DACH1: variants seen among roughly 807,000 people sequenced by gnomAD.
DACH1 encodes the protein dachshund homolog 1.
Under a neutral mutation model 54.2 loss-of-function variants are expected in DACH1, and 12 were observed. The ratio of observed to expected loss-of-function variants is 0.22; its 90% confidence interval spans 0.14 to 0.36. DACH1 has a LOEUF of 0.36. DACH1 is among the 10% of genes least tolerant of loss of function. DACH1 has a pLI of 1.00. For synonymous variants in DACH1, 386 were observed against 366.2 expected (o/e 1.05, Z -0.62); for missense variants, 805 against 929.8 (o/e 0.87, Z 1.75).
At chr13:71,758,983 T>C (rs1885287374) in intron 1 of DACH1, among the ~76,000 whole-genome samples, 1 of 152,068 alleles carries the variant, frequency 6.6e-6, no homozygotes, top group South Asian at 2.1e-4. Flanking sequence ...GCTCTGCCCT[T>C]GTCATCAAGT....
At chr13:71,822,948 T>C (rs1888247364) in intron 1 of DACH1, among the ~76,000 whole-genome samples, 1 of 152,142 alleles carries the variant, frequency 6.6e-6, no homozygotes, top group Non-Finnish European at 1.5e-5. Flanking sequence ...TTACATAGAT[T>C]TGAACTTAGG....
intron 3 of DACH1, among the ~76,000 whole-genome samples, chr13:71,603,569 A>G (rs1210678988): frequency 6.6e-6 from 1 of 151,986 alleles, no homozygotes; most frequent in Admixed American, 6.6e-5. Context: ...TAGCATAGCT[A>G]AAAAAATTCC....
chr13:71,474,098 C>G (rs1342115305), intron 10 of DACH1, among the ~76,000 whole-genome samples: 1 of 151,974 alleles, frequency 6.6e-6, no homozygotes, highest in Non-Finnish European at 1.5e-5. Flanking sequence ...ACATATGATT[C>G]AAACCTTAGG....
chr13:71,704,256 C>A (rs1882313669), intron 1 of DACH1: 2 of 254,440 alleles, frequency 7.9e-6, no homozygotes, highest in South Asian at 1.1e-4. Context: ...TAGAGTTGAT[C>A]CTTTGGCCAC....
chr13:71,492,511 G>A (rs1008942903), intron 6 of DACH1, among the ~76,000 whole-genome samples: 1 of 152,054 alleles, frequency 6.6e-6, no homozygotes, highest in Non-Finnish European at 1.5e-5. Flanking sequence ...ATAAAAAATG[G>A]CCCTTGGAAG....
chr13:71,817,535 C>A (rs1356483274), intron 1 of DACH1, among the ~76,000 whole-genome samples: 1 of 152,154 alleles, frequency 6.6e-6, no homozygotes, highest in Admixed American at 6.5e-5. Flanking sequence ...GTCGCAACAG[C>A]TAGTCACATG....
chr13:71,716,192 T>G (rs913677252), intron 1 of DACH1, among the ~76,000 whole-genome samples: 2 of 152,058 alleles, frequency 1.3e-5, no homozygotes, highest in Non-Finnish European at 2.9e-5. Context: ...CTATTGATTC[T>G]GCCTATGATA....
intron 1 of DACH1, among the ~76,000 whole-genome samples, chr13:71,724,671 T>G (rs993061275): frequency 1.6e-4 from 24 of 152,008 alleles, no homozygotes; most frequent in Non-Finnish European, 3.1e-4. Flanking sequence ...ACATAGAAAA[T>G]GTATGTTAGT....
chr13:71,863,899 A>C (rs1225670611), intron 1 of DACH1, among the ~76,000 whole-genome samples: 2 of 151,186 alleles, frequency 1.3e-5, no homozygotes, highest in Non-Finnish European at 1.5e-5. Context: ...GAGAAAAAAA[A>C]AGTAGCAATT....
At chr13:71,832,437 G>A (rs978638266) in intron 1 of DACH1, among the ~76,000 whole-genome samples, 7 of 151,900 alleles carry the variant, frequency 4.6e-5, no homozygotes, top group Middle Eastern at 3.4e-3. Flanking sequence ...TAAGTGTTTC[G>A]ATTTTTGTTT....
intron 6 of DACH1, among the ~76,000 whole-genome samples, chr13:71,491,559 C>T (rs1170931875): frequency 6.6e-6 from 1 of 152,080 alleles, no homozygotes; most frequent in Non-Finnish European, 1.5e-5. Flanking sequence ...CGTAAGGACG[C>T]TTTAATTCAA....
chr13:71,640,379 G>A (rs1012335907), intron 2 of DACH1, among the ~76,000 whole-genome samples: 2 of 151,922 alleles, frequency 1.3e-5, no homozygotes, highest in Non-Finnish European at 2.9e-5. Flanking sequence ...TGAACTTTAT[G>A]CACAAAACTT....
intron 1 of DACH1, among the ~76,000 whole-genome samples, chr13:71,834,209 G>A (rs1471906872): frequency 6.6e-6 from 1 of 151,998 alleles, no homozygotes; most frequent in East Asian, 1.9e-4. Flanking sequence ...TCTTTATCTT[G>A]TGCTGAAGTA....
In DACH1 at chr13:71,867,069, G is replaced by T. The variant is rs1403083318; in HGVS notation, c.-300C>A. 9.5e-6 allele frequency: 2 copies of T among 211,404 alleles called. No homozygotes were observed. The highest frequency in any genetic ancestry group is 1.8e-5 in the Non-Finnish European group (2 of 108,480). 13.1% of individuals were successfully genotyped at this position (211,404 alleles called of 1,614,324 possible). On this transcript the variant is annotated 5_prime_UTR_variant, in exon 1 of 11. Transcript: ENST00000613252. ...ATCGAGGGCTGGTTTGGGGGTGGGGGTGGGGCGGGGAGGGTCGGCTGTTGT... is the reference window on the plus strand; with the variant it reads ...ATCGAGGGCTGGTTTGGGGGTGGGGTTGGGGCGGGGAGGGTCGGCTGTTGT...
At chr13:71,763,723 C>A (rs1885497387) in intron 1 of DACH1, among the ~76,000 whole-genome samples, 1 of 152,136 alleles carries the variant, frequency 6.6e-6, no homozygotes, top group Admixed American at 6.6e-5. Context: ...CAGAAGATTT[C>A]ATTTGCAATT....
chr13:71,700,565 CA>C lies in DACH1; in HGVS notation c.849-18656del, dbSNP rs1211164206. ...ACAGCAAGACTGCAAGACTCCATCT[CA>C]AAAAAAAAAAAAAAAAAAAGAGAGA... On this transcript the variant is annotated intron_variant, in intron 1 of 10. Coordinates refer to ENST00000613252, the MANE Select transcript of DACH1 (RefSeq NM_080759.6). Among the ~76,000 whole-genome samples, 18 of 58,772 alleles carry C rather than the reference CA, an allele frequency of 3.1e-4. No homozygotes were observed. The East Asian group carries it at 4.2e-3, about 14-fold the overall frequency. The allele number at this position is 58,772 out of a possible 152,430, so 38.6% of individuals were successfully genotyped here.
At chr13:71,471,128 A>G (rs1370956809) in intron 10 of DACH1, among the ~76,000 whole-genome samples, 1 of 152,284 alleles carries the variant, frequency 6.6e-6, no homozygotes, top group Non-Finnish European at 1.5e-5. Flanking sequence ...AACAACAACA[A>G]AAACTTCCAG....
intron 4 of DACH1, among the ~76,000 whole-genome samples, chr13:71,564,366 C>A (rs913485221): frequency 6.6e-6 from 1 of 151,856 alleles, no homozygotes; most frequent in East Asian, 1.9e-4. Context: ...CCTTTATAGT[C>A]CTGAATCAAC....
intron 1 of DACH1, among the ~76,000 whole-genome samples, chr13:71,803,237 A>G (rs1197062556): frequency 1.3e-5 from 2 of 152,138 alleles, no homozygotes; most frequent in African/African-American, 2.4e-5. Context: ...GAAGATGTGT[A>G]AGATTCCTGG....
Sources: gnomAD v4.1 joint callset for allele counts (sites outside exome capture counted in the v4.1 genomes callset) on GRCh38, gnomAD v4.1.1 for gene constraint, MANE v1.5 for transcripts, NCBI Gene and HGNC (gene_info 2026-07-23, HGNC 2026-07-21) for gene names.